Variants in IL1RAPL2 observed in about 807,000 individuals in gnomAD.
IL1RAPL2 encodes the protein X-linked interleukin-1 receptor accessory protein-like 2.
IL1RAPL2 carries 3 observed loss-of-function variants against 44.1 expected under a neutral mutation model. That is an observed-to-expected ratio of 0.07 (90% CI 0.03 to 0.18). IL1RAPL2 has a LOEUF of 0.18. Ranked by LOEUF, IL1RAPL2 falls within the 10% of genes least tolerant of loss-of-function variation. The pLI, the probability that IL1RAPL2 is intolerant of heterozygous loss-of-function variation, is 1.00. For missense variants in IL1RAPL2, 391 were observed against 496.4 expected (o/e 0.79, Z 2.02); for synonymous variants, 181 against 178.8 (o/e 1.01, Z -0.10).
chrX:105,075,236 G>A (rs1475169017), intron 2 of IL1RAPL2, among the ~76,000 whole-genome samples: 1 of 111,805 alleles, frequency 8.9e-6, no homozygotes, highest in Non-Finnish European at 1.9e-5. Context: ...AATTTCTGGA[G>A]AGTTTTTAGC....
At chrX:105,237,290 G>C in intron 4 of IL1RAPL2, among the ~76,000 whole-genome samples, 1 of 111,888 alleles carries the variant, frequency 8.9e-6, no homozygotes, top group Non-Finnish European at 1.9e-5. Context: ...TGTGAATAGT[G>C]CTGCAATAAA....
intron 2 of IL1RAPL2, among the ~76,000 whole-genome samples, chrX:104,785,484 G>A (rs1312591265): frequency 1.3e-4 from 14 of 111,879 alleles, no homozygotes; most frequent in Admixed American, 1.1e-3. Flanking sequence ...TTTCTCTGGT[G>A]TGGGAAGGTT....
chrX:104,931,586 T>C (rs779462229), intron 2 of IL1RAPL2, among the ~76,000 whole-genome samples: 51 of 111,317 alleles, frequency 4.6e-4, no homozygotes, highest in Non-Finnish European at 7.5e-5. Flanking sequence ...GCGAAAGCTG[T>C]GGTATTATTT....
At chrX:104,814,682 G>A (rs755796154) in intron 2 of IL1RAPL2, among the ~76,000 whole-genome samples, 3 of 112,027 alleles carry the variant, frequency 2.7e-5, no homozygotes, top group East Asian at 5.6e-4. Flanking sequence ...TCTTTCTACT[G>A]GTAGACCTGT....
At chrX:104,893,706 A>G (rs1923542756) in intron 2 of IL1RAPL2, among the ~76,000 whole-genome samples, 1 of 111,619 alleles carries the variant, frequency 9.0e-6, no homozygotes, top group South Asian at 3.8e-4. Context: ...GGGTCTCTGA[A>G]TGCAGCACAC....
intron 2 of IL1RAPL2, among the ~76,000 whole-genome samples, chrX:105,057,785 T>A (rs957108488): frequency 4.5e-5 from 5 of 109,911 alleles, no homozygotes; most frequent in South Asian, 3.9e-4. Flanking sequence ...TATTTTTTTT[T>A]AATTTATTTA....
chrX:105,150,428 T>A (rs1392988555), intron 2 of IL1RAPL2, among the ~76,000 whole-genome samples: 2 of 112,381 alleles, frequency 1.8e-5, no homozygotes, highest in African/African-American at 3.2e-5. Flanking sequence ...ATGGCTTGTT[T>A]AAAGGGCCCA....
intron 5 of IL1RAPL2, among the ~76,000 whole-genome samples, chrX:105,424,613 T>TAAACAGTTCCAGCTACTCTGGAGGCTGG (rs2035796165): frequency 9.2e-6 from 1 of 108,979 alleles, no homozygotes; most frequent in Non-Finnish European, 1.9e-5. Flanking sequence ...GTGGAGAAGC[T>TAAACAGTTCCAGCTACTCTGGAGGCTGG]AGTTAAACAG....
chrX:104,972,277 T>C (rs946256127), intron 2 of IL1RAPL2, among the ~76,000 whole-genome samples: 3 of 111,734 alleles, frequency 2.7e-5, no homozygotes, highest in Admixed American at 9.5e-5. Flanking sequence ...GCAGCTAGAA[T>C]TGGATCACAG....
chrX:105,516,834 T>C (rs961182160), intron 6 of IL1RAPL2, among the ~76,000 whole-genome samples: 9 of 111,791 alleles, frequency 8.1e-5, no homozygotes, highest in African/African-American at 2.6e-4. Flanking sequence ...AAGTAGATGA[T>C]ACAGACAAAT....
chrX:104,686,393 A>C (rs770987577), intron 2 of IL1RAPL2, among the ~76,000 whole-genome samples: 1 of 112,370 alleles, frequency 8.9e-6, no homozygotes, highest in East Asian at 2.8e-4. Context: ...GCATAACTTG[A>C]AAGCTAAGAG....
At chrX:104,907,066 C>T in intron 2 of IL1RAPL2, among the ~76,000 whole-genome samples, 1 of 110,903 alleles carries the variant, frequency 9.0e-6, no homozygotes, top group African/African-American at 3.3e-5. Context: ...TCCATTTCTT[C>T]TAGATTTTCT....
chrX:105,389,795 G>A (rs1167509804), intron 5 of IL1RAPL2, among the ~76,000 whole-genome samples: 1 of 110,993 alleles, frequency 9.0e-6, no homozygotes, highest in African/African-American at 3.3e-5. Flanking sequence ...AACAAAAGAG[G>A]TTATTGCTAA....
At chrX:104,892,456 C>A (rs1301789279) in intron 2 of IL1RAPL2, among the ~76,000 whole-genome samples, 1 of 111,185 alleles carries the variant, frequency 9.0e-6, no homozygotes, top group Non-Finnish European at 1.9e-5. Flanking sequence ...TCTATTATTA[C>A]CTCAATTTCA....
In IL1RAPL2 at chrX:104,592,301, A is replaced by C. The variant is rs962189651; in HGVS notation, c.-20+25250A>C. Among the ~76,000 whole-genome samples the C allele has an allele frequency of 2.7e-5, 3 of 109,095 alleles. No homozygotes were observed. The Admixed American group carries it at 3.0e-4, about 11-fold the overall frequency. The allele number at this position is 109,095 out of a possible 115,157, so 94.7% of individuals were successfully genotyped here. ...TTAGTAGATACACACAAACACGCAT[A>C]TCCTGAACTTCTGCCTGTACACGTC... On this transcript the variant is annotated intron_variant, in intron 1 of 10. Coordinates refer to ENST00000372582, the MANE Select transcript of IL1RAPL2 (RefSeq NM_017416.2).
chrX:105,331,321 T>C (rs972759227), intron 5 of IL1RAPL2, among the ~76,000 whole-genome samples: 14 of 111,678 alleles, frequency 1.3e-4, no homozygotes, highest in African/African-American at 3.9e-4. Context: ...TCCTTTTTGA[T>C]GGCAAAAATT....
chrX:104,965,991 T>C lies in IL1RAPL2; in HGVS notation c.83-229484T>C, dbSNP rs192456438. ...AGATTAGGAGAGAGGTGAGATCCAA[T>C]GAGAAAATGACTGAGAATATTCTAG... On this transcript the variant is annotated intron_variant, in intron 2 of 10. Transcript: ENST00000372582. 1.3e-4 allele frequency among the ~76,000 whole-genome samples: 14 copies of C among 111,101 alleles called. No individual in the cohort carries two copies. The South Asian group carries it at 4.1e-3, about 33-fold the overall frequency.
intron 6 of IL1RAPL2, among the ~76,000 whole-genome samples, chrX:105,489,400 T>G (rs2036293118): frequency 8.9e-6 from 1 of 112,021 alleles, no homozygotes; most frequent in African/African-American, 3.2e-5. Context: ...TAATACAAAT[T>G]TATTAAAATA....
rs907989769 is a variant in IL1RAPL2, at chrX:105,416,033, T to G, written c.698-68280T>G. Among the ~76,000 whole-genome samples, 3 of 111,803 alleles carry G rather than the reference T, an allele frequency of 2.7e-5. No individual in the cohort carries two copies. The Admixed American group carries it at 2.9e-4, about 11-fold the overall frequency. ...GGAAATGATGCTTTCAAAATTAAGA[T>G]TGATCTACTCATTTCCAATTTGGAG... is the stretch of plus-strand genomic sequence containing the variant. On this transcript the variant is annotated intron_variant, in intron 5 of 10. Coordinates refer to ENST00000372582, the MANE Select transcript of IL1RAPL2 (RefSeq NM_017416.2).
Sources: gnomAD v4.1 joint callset for allele counts (sites outside exome capture counted in the v4.1 genomes callset) on GRCh38, gnomAD v4.1.1 for gene constraint, MANE v1.5 for transcripts, NCBI Gene and HGNC (gene_info 2026-07-23, HGNC 2026-07-21) for gene names.